Variants in RBM6 observed in about 807,000 individuals in gnomAD.
RBM6 encodes the protein RNA-binding protein 6.
In RBM6, 23 loss-of-function variants were observed where a neutral mutation model predicts 140.4. The observed-to-expected ratio is 0.16, with a 90% CI of 0.12 to 0.23. RBM6 has a LOEUF of 0.23. RBM6 is among the 10% of genes least tolerant of loss of function. RBM6 has a pLI of 1.00. For synonymous variants in RBM6, 439 were observed against 475.6 expected (o/e 0.92, Z 1.00); for missense variants, 1,139 against 1,386.7 (o/e 0.82, Z 2.84).
intron 20 of RBM6, among the ~76,000 whole-genome samples, chr3:50,075,986 T>C (rs1304379771): frequency 6.6e-6 from 1 of 151,718 alleles, no homozygotes; most frequent in East Asian, 2.0e-4. Flanking sequence ...TTTTTTTTTT[T>C]GAGACAGAGT....
intron 3 of RBM6, 134 bp from the exon 4 acceptor site, chr3:49,971,925 G>C (rs2084810755): frequency 1.5e-6 from 1 of 654,278 alleles, no homozygotes; most frequent in South Asian, 2.1e-5. Context: ...GAACAATAGA[G>C]AAAATTGTAA....
At chr3:49,972,875 A>G (rs963366791) in intron 4 of RBM6, among the ~76,000 whole-genome samples, 1 of 152,186 alleles carries the variant, frequency 6.6e-6, no homozygotes, top group Non-Finnish European at 1.5e-5. Context: ...TTTGTCGCCC[A>G]GGCTGGAGTG....
chr3:49,972,191 A>C, intron 4 of RBM6, 43 bp downstream of exon 4: 4 of 1,477,446 alleles, frequency 2.7e-6, no homozygotes, highest in African/African-American at 1.4e-5. Context: ...TCAATTAAAA[A>C]TTAAAAAAAC....
chr3:50,030,914 G>A (rs2108821271), intron 6 of RBM6, among the ~76,000 whole-genome samples: 1 of 152,206 alleles, frequency 6.6e-6, no homozygotes. Flanking sequence ...TATGGGAAGG[G>A]TAGTTAGGGG....
At chr3:50,060,813 C>A in intron 11 of RBM6, 143 bp from the exon 12 acceptor site, 1 of 615,530 alleles carries the variant, frequency 1.6e-6, no homozygotes, top group Non-Finnish European at 2.6e-6. Flanking sequence ...GTGTCTGGAC[C>A]ACCCAACCTG....
chr3:49,941,640 C>CAAA lies in RBM6; in HGVS notation c.-67+1443_-67+1445dup, dbSNP rs1171636981. ...GGGCCACAAGAGTGAAACTCTGTCTCAAAAAAAAAAAAAAAAAAAAAAAAA... is the reference window on the plus strand; with the variant it reads ...GGGCCACAAGAGTGAAACTCTGTCTCAAAAAAAAAAAAAAAAAAAAAAAAAAAA... On this transcript the variant is annotated intron_variant, in intron 1 of 20. Coordinates refer to ENST00000266022, the MANE Select transcript of RBM6 (RefSeq NM_005777.3). 8.3e-4 allele frequency among the ~76,000 whole-genome samples: 49 copies of CAAA among 58,720 alleles called. 2 individuals carry two copies. The highest frequency in any genetic ancestry group is 2.4e-3 in the African/African-American group (34 of 13,940). 38.5% of individuals were successfully genotyped at this position (58,720 alleles called of 152,430 possible).
At chr3:50,060,313 T>C (rs2089883909) in intron 11 of RBM6, among the ~76,000 whole-genome samples, 1 of 152,152 alleles carries the variant, frequency 6.6e-6, no homozygotes, top group South Asian at 2.1e-4. Context: ...TTCTCTTTCC[T>C]CCTTCACTCA....
intron 18 of RBM6, 130 bp from the exon 19 acceptor site, chr3:50,070,325 A>G: frequency 1.5e-6 from 1 of 683,328 alleles, no homozygotes. Context: ...AGTGTACTCC[A>G]GCCTGGGCAA....
chr3:50,005,092 G>A (rs2086513263), intron 6 of RBM6, among the ~76,000 whole-genome samples: 1 of 152,142 alleles, frequency 6.6e-6, no homozygotes, highest in African/African-American at 2.4e-5. Flanking sequence ...TTTTTTGTGT[G>A]TGTGTCAACA....
In RBM6 at chr3:50,054,406, A is replaced by T. The variant is rs777176515; in HGVS notation, c.1693+11A>T. The T allele has an allele frequency of 6.2e-7, 1 of 1,605,086 alleles. No individual in the cohort carries two copies. Among genetic ancestry groups the T allele is most frequent in the Non-Finnish European group, 8.5e-7 (1 of 1,171,762 alleles). ...AGAACCCAAGAGAAGGTGAGTGGCG[A>T]AAGTGGTAGCAGTTTTTATCTCGTG... is the stretch of plus-strand genomic sequence containing the variant. On this transcript the variant is annotated intron_variant, in intron 8 of 20. Transcript: ENST00000266022.
chr3:49,989,505 G>T (rs576404400), intron 5 of RBM6, among the ~76,000 whole-genome samples: 6 of 152,256 alleles, frequency 3.9e-5, no homozygotes, highest in South Asian at 2.1e-4. Flanking sequence ...AACCCGGAAG[G>T]TGGAGGTTGC....
chr3:49,984,638 ATCG>A (rs1434314313), intron 5 of RBM6, among the ~76,000 whole-genome samples: 1 of 79,550 alleles, frequency 1.3e-5, no homozygotes, highest in Non-Finnish European at 3.4e-5. Context: ...ATCGCATCGC[ATCG>A]CATCGCATCG....
intron 6 of RBM6, among the ~76,000 whole-genome samples, chr3:50,002,181 G>A (rs551550258): frequency 1.7e-4 from 26 of 152,142 alleles, no homozygotes; most frequent in South Asian, 8.3e-4. Flanking sequence ...TCCGCCACCC[G>A]GGTTCCAGAG....
At position 49,956,884 on chromosome 3, in the gene RBM6, C is replaced by T. The variant is rs187875569; in HGVS notation, c.-66-5692C>T. Among the ~76,000 whole-genome samples the T allele has an allele frequency of 6.6e-3, 999 of 151,970 alleles. 16 individuals carry two copies. The highest frequency in any genetic ancestry group is 3.9e-3 in the Non-Finnish European group (266 of 67,982). ...TTCTCCATGTTGGTCAGGCTGGTCTCGAACTCCAGACCTCAGGTGATCCTC... is the reference window on the plus strand; with the variant it reads ...TTCTCCATGTTGGTCAGGCTGGTCTTGAACTCCAGACCTCAGGTGATCCTC... On this transcript the variant is annotated intron_variant, in intron 1 of 20. Coordinates refer to ENST00000266022, the MANE Select transcript of RBM6 (RefSeq NM_005777.3).
intron 5 of RBM6, among the ~76,000 whole-genome samples, chr3:49,991,447 T>C (rs2108708327): frequency 6.6e-6 from 1 of 152,304 alleles, no homozygotes; most frequent in Middle Eastern, 3.4e-3. Context: ...TGGTCAAGGC[T>C]TTGTCTTTCT....
chr3:49,955,289 A>G (rs577396836), intron 1 of RBM6, among the ~76,000 whole-genome samples: 191 of 142,698 alleles, frequency 1.3e-3, no homozygotes, highest in Admixed American at 3.3e-3. Flanking sequence ...TCCTACCTCA[A>G]CCTCTGCAGT....
intron 1 of RBM6, among the ~76,000 whole-genome samples, chr3:49,955,364 G>T (rs1344585646): frequency 6.7e-6 from 1 of 149,524 alleles, no homozygotes; most frequent in African/African-American, 2.5e-5. Flanking sequence ...TAGAGATAGG[G>T]TCTCTATTGA....
chr3:49,949,076 G>C (rs1466473241), intron 1 of RBM6, among the ~76,000 whole-genome samples: 1 of 150,850 alleles, frequency 6.6e-6, no homozygotes, highest in African/African-American at 2.4e-5. Flanking sequence ...TGATCCGCTG[G>C]CCTCAGCCTC....
chr3:50,050,090 C>G (rs1434052150), intron 7 of RBM6, among the ~76,000 whole-genome samples: 1 of 151,984 alleles, frequency 6.6e-6, no homozygotes, highest in Non-Finnish European at 1.5e-5. Flanking sequence ...TACCCTTGAC[C>G]TCCTGTGCTC....
Sources: allele counts gnomAD v4.1 joint callset (sites outside exome capture counted in the v4.1 genomes callset), GRCh38; gene constraint gnomAD v4.1.1; transcripts MANE v1.5; gene names NCBI Gene and HGNC (gene_info 2026-07-23, HGNC 2026-07-21).